ABCA10: variants seen among roughly 807,000 people sequenced by gnomAD.
ABCA10 encodes ATP binding cassette subfamily A member 10.
ABCA10 carries 169 observed loss-of-function variants against 187.5 expected under a neutral mutation model. The observed-to-expected ratio is 0.90, with a 90% CI of 0.80 to 1.02. The LOEUF (loss-of-function observed/expected upper bound fraction) is 1.02. Among genes scored for constraint, ABCA10 ranks in the 50% least tolerant of loss-of-function variants. The pLI is 0.00. For missense variants in ABCA10, 1,727 were observed against 1,812.4 expected (o/e 0.95, Z 0.86); for synonymous variants, 574 against 601.8 (o/e 0.95, Z 0.68).
rs2074105835 is a variant in ABCA10, at chr17:69,148,628, G to T, written c.*199C>A. ...GGGGATGAATAACATGTCTGATTTT[G>T]TTAATTTTGTCTACTACTTTTCCCT... On this transcript the variant is annotated 3_prime_UTR_variant, in exon 39 of 39. Transcript: ENST00000690296. 1.9e-6 allele frequency: 1 copy of T among 522,038 alleles called. No homozygotes were observed. The highest frequency in any genetic ancestry group is 3.3e-6 in the Non-Finnish European group (1 of 298,844). 32.3% of individuals were successfully genotyped at this position (522,038 alleles called of 1,614,324 possible). A position where few individuals can be genotyped will look rare whatever the true frequency, so the allele number is the denominator to read the frequency against.
chr17:69,152,999 A>C (rs986865182), intron 34 of ABCA10, among the ~76,000 whole-genome samples: 22 of 152,168 alleles, frequency 1.4e-4, no homozygotes, highest in African/African-American at 5.1e-4. Flanking sequence ...ATACAGAAAC[A>C]TCATACTATA....
At chr17:69,220,279 A>T (rs1347826467) in intron 5 of ABCA10, among the ~76,000 whole-genome samples, 1 of 152,182 alleles carries the variant, frequency 6.6e-6, no homozygotes, top group Non-Finnish European at 1.5e-5. Flanking sequence ...AACTGTGAGC[A>T]GAGTAAACAG....
In ABCA10 at chr17:69,198,561, C is replaced by T. The variant is rs2074522502; in HGVS notation, c.1176-1439G>A. On this transcript the variant is annotated intron_variant, in intron 10 of 38. Coordinates refer to ENST00000690296, the MANE Select transcript of ABCA10 (RefSeq NM_001377321.1). ...CTGGTGAGAGATTTCCCAGAAAATC[C>T]CTGACATTTGCAGCAGTATACTGAC... Among the ~76,000 whole-genome samples, 3 of 152,094 alleles carry T rather than the reference C, an allele frequency of 2.0e-5. No homozygotes were observed. The South Asian group carries it at 6.2e-4, about 32-fold the overall frequency.
intron 9 of ABCA10, among the ~76,000 whole-genome samples, chr17:69,211,344 TATATATA>T (rs1342350153): frequency 1.2e-4 from 5 of 40,302 alleles, no homozygotes; most frequent in African/African-American, 5.4e-4. Context: ...TATATATATA[TATATATA>T]TATATATATA....
chr17:69,211,524 CTA>C (rs530867194), intron 9 of ABCA10, among the ~76,000 whole-genome samples: 162 of 151,636 alleles, frequency 1.1e-3, no homozygotes, highest in Non-Finnish European at 2.0e-3. Context: ...CCCTCTTTCT[CTA>C]TCTTTTGAAA....
intron 9 of ABCA10, among the ~76,000 whole-genome samples, chr17:69,214,439 C>T (rs1351162177): frequency 4.6e-5 from 7 of 150,560 alleles, no homozygotes; most frequent in African/African-American, 9.8e-5. Context: ...GGCGTGAACC[C>T]GGGAGGCGGA....
intron 1 of ABCA10, among the ~76,000 whole-genome samples, 182 bp downstream of exon 1, chr17:69,228,399 A>G (rs994925376): frequency 6.6e-6 from 1 of 151,956 alleles, no homozygotes; most frequent in Non-Finnish European, 1.5e-5. Context: ...TCACACTAAA[A>G]TGTTACATAA....
chr17:69,210,166 AT>A (rs1322948427), intron 9 of ABCA10, among the ~76,000 whole-genome samples: 1 of 56,228 alleles, frequency 1.8e-5, no homozygotes, highest in Non-Finnish European at 3.8e-5. Context: ...TTTAGTGGTT[AT>A]TTCTTTTTTT....
chr17:69,221,915 C>T lies in ABCA10; in HGVS notation c.200-20G>A. ...AGTGTTCTTTAAGGAAGAAGAAAAA[C>T]ATGTCCATAGTTATATAATGGAGTC... On this transcript the variant is annotated intron_variant, in intron 4 of 38. Coordinates refer to ENST00000690296, the MANE Select transcript of ABCA10 (RefSeq NM_001377321.1). The T allele has an allele frequency of 1.3e-6, 2 of 1,559,172 alleles. No individual in the cohort carries two copies. Among genetic ancestry groups the T allele is most frequent in the Non-Finnish European group, 1.7e-6 (2 of 1,143,350 alleles).
chr17:69,148,283 A>G lies in ABCA10; in HGVS notation c.*544T>C, dbSNP rs1041441087. On this transcript the variant is annotated 3_prime_UTR_variant, in exon 39 of 39. Coordinates refer to ENST00000690296, the MANE Select transcript of ABCA10 (RefSeq NM_001377321.1). The stretch of plus-strand genomic sequence containing the variant: ...TAACTGCGGTACTTTCTTACAGATT[A>G]TGGCTATCTTCTTCCATATAACTTC... 6.6e-6 allele frequency: 1 copy of G among 152,446 alleles called. No individual in the cohort carries two copies. Among genetic ancestry groups the G allele is most frequent in the African/African-American group, 2.4e-5 (1 of 41,470 alleles). The allele number at this position is 152,446 out of a possible 1,614,324, so 9.4% of individuals were successfully genotyped here.
At chr17:69,206,446 T>C (rs1270924772) in intron 9 of ABCA10, among the ~76,000 whole-genome samples, 2 of 151,980 alleles carry the variant, frequency 1.3e-5, no homozygotes, top group Non-Finnish European at 2.9e-5. Flanking sequence ...GCTGACAGAG[T>C]ACAGCACCTG....
chr17:69,165,315 G>C (rs1378460427), intron 25 of ABCA10, among the ~76,000 whole-genome samples: 2 of 152,050 alleles, frequency 1.3e-5, no homozygotes, highest in Non-Finnish European at 2.9e-5. Flanking sequence ...GCAATACCCA[G>C]TAGGGATAAA....
At chr17:69,224,902 T>C (rs754564668) in intron 3 of ABCA10, among the ~76,000 whole-genome samples, 4 of 152,116 alleles carry the variant, frequency 2.6e-5, no homozygotes, top group Non-Finnish European at 5.9e-5. Context: ...TCCTATATAC[T>C]GGGAACTATA....
intron 25 of ABCA10, among the ~76,000 whole-genome samples, chr17:69,173,675 C>G (rs2074312975): frequency 6.6e-6 from 1 of 151,992 alleles, no homozygotes; most frequent in Non-Finnish European, 1.5e-5. Flanking sequence ...TTAAGTGAAT[C>G]TTACTTAACA....
intron 9 of ABCA10, among the ~76,000 whole-genome samples, chr17:69,208,656 GA>G (rs1382226296): frequency 6.6e-6 from 1 of 152,018 alleles, no homozygotes; most frequent in Non-Finnish European, 1.5e-5. Flanking sequence ...ACGAATGATG[GA>G]CAAAGGATAA....
At chr17:69,212,912 G>A (rs1177723977) in intron 9 of ABCA10, among the ~76,000 whole-genome samples, 1 of 152,116 alleles carries the variant, frequency 6.6e-6, no homozygotes, top group African/African-American at 2.4e-5. Context: ...CTGCTATTCT[G>A]TATCTTTTAA....
chr17:69,201,460 T>C, intron 10 of ABCA10, 40 bp downstream of exon 10: 1 of 1,451,442 alleles, frequency 6.9e-7, no homozygotes, highest in Non-Finnish European at 9.1e-7. Context: ...TACTAAGCTT[T>C]TACCTATAAG....
chr17:69,170,994 A>C lies in ABCA10; in HGVS notation c.3162+3287T>G, dbSNP rs568714141. On this transcript the variant is annotated intron_variant, in intron 25 of 38. Coordinates refer to ENST00000690296, the MANE Select transcript of ABCA10 (RefSeq NM_001377321.1). Reference sequence around the variant, plus strand: ...ATCCCATATTGAGGCATGATACTCTAAGTTGGCTTGTACAATCGTAGATGG... The same window carrying C: ...ATCCCATATTGAGGCATGATACTCTCAGTTGGCTTGTACAATCGTAGATGG... Among the ~76,000 whole-genome samples the C allele has an allele frequency of 2.0e-5, 3 of 152,308 alleles. No homozygotes were observed. In the South Asian group the frequency reaches 6.2e-4, roughly 32 times the overall value.
chr17:69,186,163 G>A (rs2074419255), intron 19 of ABCA10, among the ~76,000 whole-genome samples: 1 of 152,072 alleles, frequency 6.6e-6, no homozygotes, highest in Admixed American at 6.6e-5. Flanking sequence ...AATTGCAAGT[G>A]AAATGCTTCC....
Sources: gnomAD v4.1 joint callset for allele counts (sites outside exome capture counted in the v4.1 genomes callset) on GRCh38, gnomAD v4.1.1 for gene constraint, MANE v1.5 for transcripts, NCBI Gene and HGNC (gene_info 2026-07-23, HGNC 2026-07-21) for gene names.